Variants in WDR12 observed in about 807,000 individuals in gnomAD.
The protein encoded by WDR12 is ribosome biogenesis protein WDR12.
Under a neutral mutation model 64.3 loss-of-function variants are expected in WDR12, and 42 were observed. The observed-to-expected ratio is 0.65, with a 90% CI of 0.51 to 0.84. WDR12 has a LOEUF of 0.84. Ranked by LOEUF, WDR12 falls within the 40% of genes least tolerant of loss-of-function variation. The probability of loss-of-function intolerance (pLI) is 0.00; values close to 1 mark genes in which losing one functional copy is unlikely to be tolerated. For synonymous variants in WDR12, 158 were observed against 173.3 expected (o/e 0.91, Z 0.70); for missense variants, 469 against 494.6 (o/e 0.95, Z 0.49).
chr2:202,897,335 G>C lies in WDR12; in HGVS notation c.419C>G (p.Thr140Arg). ...GKSIMTIVGHTDVVKDVAWVK... is the reference protein window; with the variant it reads ...GKSIMTIVGHRDVVKDVAWVK... ...CCAGGCCACATCTTTTACAACATCC[G>C]TATGTCCCACAATTGTCATTATTGA... Residue 140 changes from threonine to arginine, a missense_variant, in exon 5 of 13, where the codon ACG becomes AGG. Coordinates refer to ENST00000261015, the MANE Select transcript of WDR12 (RefSeq NM_018256.4). The C allele has an allele frequency of 9.4e-6, 15 of 1,597,080 alleles. No homozygotes were observed. Among genetic ancestry groups the C allele is most frequent in the Non-Finnish European group, 1.2e-5 (14 of 1,173,186 alleles).
At chr2:202,904,879 G>T (rs1345868132) in intron 2 of WDR12, among the ~76,000 whole-genome samples, 1 of 152,144 alleles carries the variant, frequency 6.6e-6, no homozygotes, top group Non-Finnish European at 1.5e-5. Flanking sequence ...AAAGTGAAGA[G>T]ACAACCCACA....
At chr2:202,899,882 T>C (rs1275593525) in intron 3 of WDR12, among the ~76,000 whole-genome samples, 1 of 152,108 alleles carries the variant, frequency 6.6e-6, no homozygotes, top group African/African-American at 2.4e-5. Context: ...CTATTAACAT[T>C]AGGAAAGCTG....
At chr2:202,884,743 G>A (rs1356590029) in intron 8 of WDR12, among the ~76,000 whole-genome samples, 2 of 152,162 alleles carry the variant, frequency 1.3e-5, no homozygotes, top group African/African-American at 4.8e-5. Context: ...ACTTGCCCAA[G>A]GTCATAGAGC....
Position 202,907,779 on chromosome 2 carries a change from T to A in WDR12, c.136+86A>T, listed in dbSNP as rs1283801168. 20 of 1,064,612 alleles carry A rather than the reference T, an allele frequency of 1.9e-5. No individual in the cohort carries two copies. The Admixed American group carries it at 4.0e-4, about 21-fold the overall frequency. The allele number at this position is 1,064,612 out of a possible 1,614,324, so 65.9% of individuals were successfully genotyped here. A position where few individuals can be genotyped will look rare whatever the true frequency, so the allele number is the denominator to read the frequency against. On this transcript the variant is annotated intron_variant, in intron 2 of 12. Coordinates refer to ENST00000261015, the MANE Select transcript of WDR12 (RefSeq NM_018256.4). ...TTACCACTACAAAATTCATACAGTA[T>A]CATAAGGCCAAAAAAGGAACTAAAA...
At chr2:202,904,707 C>T (rs1224572236) in intron 2 of WDR12, among the ~76,000 whole-genome samples, 1 of 152,182 alleles carries the variant, frequency 6.6e-6, no homozygotes, top group East Asian at 1.9e-4. Flanking sequence ...TGTAAGACCT[C>T]GAACTATGAA....
intron 3 of WDR12, 38 bp downstream of exon 3, chr2:202,900,987 C>A (rs1688337751): frequency 6.6e-7 from 1 of 1,512,058 alleles, no homozygotes; most frequent in Non-Finnish European, 9.0e-7. Context: ...GCCGATAATG[C>A]CTCAAGTGAA....
intron 8 of WDR12, among the ~76,000 whole-genome samples, chr2:202,892,329 T>C (rs898092066): frequency 6.6e-6 from 1 of 152,182 alleles, no homozygotes; most frequent in African/African-American, 2.4e-5. Flanking sequence ...TAAGTTTTAA[T>C]AATTAAAAGG....
At chr2:202,910,541 C>CA (rs1190547524) in intron 1 of WDR12, among the ~76,000 whole-genome samples, 237 of 151,556 alleles carry the variant, frequency 1.6e-3, no homozygotes, top group Non-Finnish European at 4.3e-4. Flanking sequence ...CCAAACCAAA[C>CA]AAACAAAAAA....
Position 202,879,568 on chromosome 2 carries a change from G to A in WDR12, c.*1292C>T, listed in dbSNP as rs1409305062. 1 of 150,838 alleles carries A rather than the reference G, an allele frequency of 6.6e-6. No homozygotes were observed. The highest frequency in any genetic ancestry group is 2.0e-4 in the East Asian group (1 of 5,100). 9.3% of individuals were successfully genotyped at this position (150,838 alleles called of 1,614,324 possible). On this transcript the variant is annotated 3_prime_UTR_variant, in exon 13 of 13. Transcript: ENST00000261015. ...CCCAAGTACTTGGGACCACAGGAGT[G>A]TGCCACCACACCCGGCTAATTTGTT...
At chr2:202,891,563 T>C (rs1456227001) in intron 8 of WDR12, among the ~76,000 whole-genome samples, 1 of 152,230 alleles carries the variant, frequency 6.6e-6, no homozygotes, top group African/African-American at 2.4e-5. Context: ...TTATAAATCA[T>C]TACTTTCAGC....
chr2:202,889,426 G>A (rs1688107657), intron 8 of WDR12, among the ~76,000 whole-genome samples: 1 of 152,140 alleles, frequency 6.6e-6, no homozygotes, highest in Non-Finnish European at 1.5e-5. Context: ...TGGGCTATGA[G>A]GTGGGAGGAC....
intron 5 of WDR12, among the ~76,000 whole-genome samples, chr2:202,896,596 C>G (rs892035717): frequency 6.6e-6 from 1 of 152,122 alleles, no homozygotes; most frequent in African/African-American, 2.4e-5. Context: ...GAGGCTGAGG[C>G]AGGAGAATCA....
At chr2:202,896,411 T>C (rs1292899407) in intron 5 of WDR12, among the ~76,000 whole-genome samples, 192 bp from the exon 6 acceptor site, 1 of 151,900 alleles carries the variant, frequency 6.6e-6, no homozygotes, top group African/African-American at 2.4e-5. Flanking sequence ...TGACGATGAC[T>C]GGGTGTGGTG....
At chr2:202,900,228 C>T (rs1466227894) in intron 3 of WDR12, among the ~76,000 whole-genome samples, 1 of 151,166 alleles carries the variant, frequency 6.6e-6, no homozygotes, top group South Asian at 2.1e-4. Context: ...ACTTTGGAGG[C>T]TGAGGCGCAA....
chr2:202,903,475 G>GT, intron 2 of WDR12, among the ~76,000 whole-genome samples: 1 of 113,832 alleles, frequency 8.8e-6, no homozygotes, highest in African/African-American at 2.9e-5. Flanking sequence ...AAGGAAGGAA[G>GT]GAAGGAAGGA....
At chr2:202,899,391 C>T in intron 4 of WDR12, 140 bp downstream of exon 4, 1 of 698,204 alleles carries the variant, frequency 1.4e-6, no homozygotes, top group Non-Finnish European at 2.3e-6. Flanking sequence ...TTCTGTTTGC[C>T]ATGGCCACTG....
intron 3 of WDR12, 56 bp from the exon 4 acceptor site, chr2:202,899,693 T>C (rs1688316650): frequency 4.1e-6 from 6 of 1,474,796 alleles, no homozygotes; most frequent in Non-Finnish European, 5.7e-6. Context: ...AAATATTACA[T>C]TATGAAGATA....
intron 1 of WDR12, 46 bp downstream of exon 1, chr2:202,911,390 G>A (rs370300575): frequency 1.3e-6 from 2 of 1,597,538 alleles, no homozygotes; most frequent in African/African-American, 2.7e-5. Context: ...AGGGGTGGTC[G>A]GAAAGGAACC....
intron 3 of WDR12, among the ~76,000 whole-genome samples, chr2:202,900,330 GAAAA>G (rs756739706): frequency 1.5e-5 from 1 of 66,898 alleles, no homozygotes; most frequent in Admixed American, 1.7e-4. Flanking sequence ...CTCTGTCTCA[GAAAA>G]AAAAAAAAAA....
Sources: gnomAD v4.1 joint callset for allele counts (sites outside exome capture counted in the v4.1 genomes callset) on GRCh38, gnomAD v4.1.1 for gene constraint, MANE v1.5 for transcripts, NCBI Gene and HGNC (gene_info 2026-07-23, HGNC 2026-07-21) for gene names.